Variants in PCDH15 observed in about 807,000 individuals in gnomAD.
PCDH15 encodes protocadherin-15.
A neutral mutation model predicts 178.5 loss-of-function variants in PCDH15; 129 were observed. The ratio of observed to expected loss-of-function variants is 0.72; its 90% CI spans 0.63 to 0.84. The LOEUF (loss-of-function observed/expected upper bound fraction) is 0.84, where lower values mean the gene tolerates loss of function less well. Ranked by LOEUF, PCDH15 falls within the 40% of genes least tolerant of loss-of-function variation. The probability of loss-of-function intolerance (pLI) is 0.00; values close to 1 mark genes in which losing one functional copy is unlikely to be tolerated. For synonymous variants in PCDH15, 800 were observed against 732.0 expected (o/e 1.09, Z -1.50); for missense variants, 2,230 against 2,099.9 (o/e 1.06, Z -1.21).
At chr10:55,583,684 T>C (rs1842667993) in intron 2 of PCDH15, among the ~76,000 whole-genome samples, 1 of 152,108 alleles carries the variant, frequency 6.6e-6, no homozygotes, top group African/African-American at 2.4e-5. Context: ...TCCACCCATC[T>C]CGGCCTCCCA....
intron 2 of PCDH15, among the ~76,000 whole-genome samples, chr10:54,967,732 A>T (rs1358045206): frequency 6.6e-6 from 1 of 152,168 alleles, no homozygotes; most frequent in African/African-American, 2.4e-5. Flanking sequence ...TGCAGACTGA[A>T]TGCTTTGAAT....
At chr10:54,080,699 A>C (rs1383339523) in intron 16 of PCDH15, among the ~76,000 whole-genome samples, 2 of 152,172 alleles carry the variant, frequency 1.3e-5, no homozygotes, top group Non-Finnish European at 2.9e-5. Flanking sequence ...ACTTTTTAAA[A>C]AGTTCTGAAC....
In PCDH15 at chr10:53,823,312, CTGAGT is replaced by C. The variant is rs749884609; in HGVS notation, c.4368-3087_4368-3083del. ...TGTTGATGTTTCCTGTCTTCTGAGACTGAGTTATTTCCCCTGCTTTGTTGAAAATG... is the reference window on the plus strand; with the variant it reads ...TGTTGATGTTTCCTGTCTTCTGAGACTATTTCCCCTGCTTTGTTGAAAATG... On this transcript the variant is annotated intron_variant, in intron 32 of 37. Transcript: ENST00000644397. The C allele has an allele frequency of 3.7e-6, 6 of 1,613,870 alleles. No individual in the cohort carries two copies. The highest frequency in any genetic ancestry group is 4.2e-6 in the Non-Finnish European group (5 of 1,179,888).
chr10:55,277,368 T>A (rs573461558), intron 1 of PCDH15, among the ~76,000 whole-genome samples: 1 of 152,230 alleles, frequency 6.6e-6, no homozygotes, highest in Admixed American at 6.5e-5. Flanking sequence ...ATTCATTATC[T>A]GTTGAAAAAG....
chr10:54,421,193 C>T (rs1050523569), intron 3 of PCDH15, among the ~76,000 whole-genome samples: 15 of 151,578 alleles, frequency 9.9e-5, no homozygotes, highest in Non-Finnish European at 2.1e-4. Context: ...CAAAATTGTC[C>T]CATACTATTT....
intron 2 of PCDH15, among the ~76,000 whole-genome samples, chr10:54,929,870 G>C (rs1362354676): frequency 6.6e-6 from 1 of 152,100 alleles, no homozygotes; most frequent in Non-Finnish European, 1.5e-5. Context: ...CTAATATCTG[G>C]TCTGCTGTAC....
chr10:54,525,462 CT>C (rs993270610), intron 3 of PCDH15, among the ~76,000 whole-genome samples: 11 of 152,196 alleles, frequency 7.2e-5, no homozygotes, highest in African/African-American at 2.6e-4. Context: ...TCTTTTCTTT[CT>C]TTTTTTCAGA....
intron 2 of PCDH15, among the ~76,000 whole-genome samples, chr10:55,464,034 AAAG>A (rs2132097872): frequency 7.9e-6 from 1 of 126,570 alleles, no homozygotes; most frequent in African/African-American, 2.8e-5. Context: ...AGAAAGAAAG[AAAG>A]AAAGAAAGAA....
At chr10:54,951,117 A>G (rs773432849) in intron 2 of PCDH15, among the ~76,000 whole-genome samples, 4 of 151,916 alleles carry the variant, frequency 2.6e-5, no homozygotes, top group Non-Finnish European at 4.4e-5. Flanking sequence ...TTTGTGTTGT[A>G]TAGACTATGG....
intron 25 of PCDH15, among the ~76,000 whole-genome samples, chr10:53,934,597 C>CA (rs201193553): frequency 0.019 from 2,353 of 121,270 alleles, 23 homozygotes; most frequent in Middle Eastern, 0.033. Context: ...GACTCTGTCT[C>CA]AAAAAAAAAA....
intron 7 of PCDH15, among the ~76,000 whole-genome samples, chr10:54,318,116 A>C (rs1277509974): frequency 6.6e-6 from 1 of 152,172 alleles, no homozygotes; most frequent in Non-Finnish European, 1.5e-5. Context: ...CAGTTCTACA[A>C]ACCAGGCCCA....
intron 2 of PCDH15, among the ~76,000 whole-genome samples, chr10:54,543,878 T>C (rs1234294814): frequency 6.6e-6 from 1 of 152,198 alleles, no homozygotes; most frequent in Non-Finnish European, 1.5e-5. Context: ...AGAAACTTAC[T>C]AGTCCCAATG....
In PCDH15 at chr10:53,901,617, C is replaced by T. The variant is rs1272335466; in HGVS notation, c.3501+1626G>A. Reference sequence around the variant, plus strand: ...CATAACTGTTTAAATCATTCAAAGGCTTTCTTTCCAACACACCTAGAACGA... The same window carrying T: ...CATAACTGTTTAAATCATTCAAAGGTTTTCTTTCCAACACACCTAGAACGA... On this transcript the variant is annotated intron_variant, in intron 26 of 37. Coordinates refer to ENST00000644397, the MANE Select transcript of PCDH15 (RefSeq NM_001384140.1). Among the ~76,000 whole-genome samples the T allele has an allele frequency of 2.6e-5, 4 of 152,152 alleles. No homozygotes were observed. The South Asian group carries it at 6.2e-4, about 24-fold the overall frequency.
intron 1 of PCDH15, among the ~76,000 whole-genome samples, chr10:54,696,582 G>T (rs2095228513): frequency 6.6e-6 from 1 of 151,892 alleles, no homozygotes; most frequent in African/African-American, 2.4e-5. Context: ...TGAAATCTAT[G>T]GGGAAATCTT....
intron 2 of PCDH15, among the ~76,000 whole-genome samples, chr10:55,006,331 A>G (rs191853990): frequency 2.0e-5 from 3 of 152,242 alleles, no homozygotes; most frequent in Admixed American, 6.5e-5. Context: ...GATTTATTAA[A>G]ATTTTCCCTT....
At chr10:53,896,061 T>A (rs2081928435) in intron 26 of PCDH15, among the ~76,000 whole-genome samples, 2 of 152,188 alleles carry the variant, frequency 1.3e-5, no homozygotes, top group Non-Finnish European at 1.5e-5. Flanking sequence ...ATCTACTGCA[T>A]AAATCAATGT....
chr10:55,126,318 A>G (rs2132072004), intron 2 of PCDH15, among the ~76,000 whole-genome samples: 1 of 152,248 alleles, frequency 6.6e-6, no homozygotes, highest in South Asian at 2.1e-4. Flanking sequence ...TAGTCGGAAT[A>G]TTTATAAACC....
rs114986670 is a variant in PCDH15 at position 54,083,283 on chromosome 10, T to C, written c.1998-3859A>G. Among the ~76,000 whole-genome samples, 920 of 152,304 alleles carry C rather than the reference T, an allele frequency of 6.0e-3. 8 individuals carry two copies. The highest frequency in any genetic ancestry group is 0.021 in the African/African-American group (883 of 41,566). Reference sequence around the variant, plus strand: ...TTCCCTAGCAAATCTATTCAGTATATACTTAAAAAAGCCAAACACAGGTAC... The same window carrying C: ...TTCCCTAGCAAATCTATTCAGTATACACTTAAAAAAGCCAAACACAGGTAC... On this transcript the variant is annotated intron_variant, in intron 16 of 37. Coordinates refer to ENST00000644397, the MANE Select transcript of PCDH15 (RefSeq NM_001384140.1).
At chr10:53,909,456 A>G (rs2082913317) in intron 25 of PCDH15, among the ~76,000 whole-genome samples, 1 of 152,208 alleles carries the variant, frequency 6.6e-6, no homozygotes, top group Admixed American at 6.5e-5. Flanking sequence ...TAAATAAAAT[A>G]AATTACTCTA....
Sources: allele counts gnomAD v4.1 joint callset (sites outside exome capture counted in the v4.1 genomes callset), GRCh38; gene constraint gnomAD v4.1.1; transcripts MANE v1.5; gene names NCBI Gene and HGNC (gene_info 2026-07-23, HGNC 2026-07-21).